The following URI1 variants were observed in gnomAD, a reference collection of about 807,000 sequenced individuals.
URI1 encodes the protein unconventional prefoldin RPB5 interactor 1.
In URI1, 39 loss-of-function variants were observed where a neutral mutation model predicts 60.2. The ratio of observed to expected loss-of-function variants is 0.65; its 90% CI spans 0.50 to 0.85. URI1 has a LOEUF of 0.85. URI1 is among the 40% of genes least tolerant of loss of function. The probability of loss-of-function intolerance (pLI) is 0.00; values close to 1 mark genes in which losing one functional copy is unlikely to be tolerated. For missense variants in URI1, 691 were observed against 665.9 expected, an observed-to-expected ratio of 1.04 and a Z score of -0.42; for synonymous variants, 251 against 236.8, an observed-to-expected ratio of 1.06 and a Z score of -0.55.
At chr19:29,964,765 G>A (rs1170238207) in intron 1 of URI1, among the ~76,000 whole-genome samples, 4 of 151,386 alleles carry the variant, frequency 2.6e-5, no homozygotes, top group Admixed American at 2.6e-4. Context: ...CCCGGCCAGT[G>A]GTGTTTAAAA....
At chr19:29,929,527 G>A (rs963085675) in intron 1 of URI1, among the ~76,000 whole-genome samples, 2 of 152,092 alleles carry the variant, frequency 1.3e-5, no homozygotes, top group Non-Finnish European at 2.9e-5. Flanking sequence ...AACCCAGGAG[G>A]TGGAGGTTGC....
intron 4 of URI1, among the ~76,000 whole-genome samples, chr19:29,989,011 A>G (rs527631469): frequency 1.3e-5 from 2 of 152,244 alleles, no homozygotes; most frequent in South Asian, 2.1e-4. Flanking sequence ...ATCATTGCCT[A>G]ATGATGTTGA....
chr19:29,987,418 A>G (rs973489579), intron 4 of URI1, among the ~76,000 whole-genome samples: 3 of 152,204 alleles, frequency 2.0e-5, no homozygotes, highest in Non-Finnish European at 2.9e-5. Flanking sequence ...TAATTGATAT[A>G]TATTTTGATC....
At chr19:29,965,139 G>T (rs992921296) in intron 1 of URI1, among the ~76,000 whole-genome samples, 1 of 152,158 alleles carries the variant, frequency 6.6e-6, no homozygotes, top group African/African-American at 2.4e-5. Flanking sequence ...GTTAGCTTGT[G>T]CAGATCCTAT....
At position 29,942,354 on chromosome 19, in the gene URI1, G is replaced by C; in HGVS notation, c.-194G>C. The C allele has an allele frequency of 1.0e-6, 1 of 985,022 alleles. No individual in the cohort carries two copies. The highest frequency in any genetic ancestry group is 4.5e-5 in the South Asian group (1 of 22,138). The allele number at this position is 985,022 out of a possible 1,614,324, so 61.0% of individuals were successfully genotyped here. A position where few individuals can be genotyped will look rare whatever the true frequency, so the allele number is the denominator to read the frequency against. The stretch of plus-strand genomic sequence containing the variant: ...CCCGCTGCGGGGCGGCGGCGGCGGG[G>C]ACATGCACGTGTGAGATGCGGCAGC... On this transcript the variant is annotated 5_prime_UTR_variant, in exon 1 of 11. Coordinates refer to ENST00000392271, the MANE Select transcript of URI1 (RefSeq NM_003796.3).
intron 2 of URI1, among the ~76,000 whole-genome samples, chr19:29,972,919 TA>T (rs775581360): frequency 2.0e-5 from 3 of 152,160 alleles, no homozygotes; most frequent in Admixed American, 6.5e-5. Flanking sequence ...TTTATACATT[TA>T]AAAAATTATT....
At chr19:29,970,648 T>C (rs2055447570) in intron 1 of URI1, among the ~76,000 whole-genome samples, 1 of 152,074 alleles carries the variant, frequency 6.6e-6, no homozygotes, top group South Asian at 2.1e-4. Flanking sequence ...GTTCAGAGCA[T>C]CTCCTTATCC....
intron 7 of URI1, among the ~76,000 whole-genome samples, chr19:30,008,232 GAGA>G (rs2055969556): frequency 6.6e-6 from 1 of 152,068 alleles, no homozygotes; most frequent in Admixed American, 6.6e-5. Context: ...TCTGCTACTC[GAGA>G]AGTTCTATAT....
Position 29,985,270 on chromosome 19 carries a change from C to A in URI1, c.200C>A (p.Thr67Asn), listed in dbSNP as rs2055653432. 1.2e-6 allele frequency: 2 copies of A among 1,610,720 alleles called. No individual in the cohort carries two copies. Among genetic ancestry groups the A allele is most frequent in the East Asian group, 2.2e-5 (1 of 44,784 alleles). The change falls in exon 3 of 11, where the codon ACC becomes AAC. Residue 67 changes from threonine to asparagine, a missense_variant. By Grantham distance (65) the Thr-to-Asn change is moderately conservative (BLOSUM62 0). Coordinates refer to ENST00000392271, the MANE Select transcript of URI1 (RefSeq NM_003796.3). Reference sequence around the variant, plus strand: ...AATGCCCTTCGAGAAAGACTCAGCACCTTGCCTGATAAATTGTCTTATAAT... The same window carrying A: ...AATGCCCTTCGAGAAAGACTCAGCAACTTGCCTGATAAATTGTCTTATAAT... The part of the protein sequence containing the change: ...DYNALRERLS[T>N]LPDKLSYNIM...
In URI1 at chr19:29,985,395, G is replaced by A. The variant is rs542947505; in HGVS notation, c.231+94G>A. The A allele has an allele frequency of 4.3e-5, 43 of 1,007,354 alleles. No homozygotes were observed. The East Asian group carries it at 9.4e-4, about 22-fold the overall frequency. The allele number at this position is 1,007,354 out of a possible 1,614,324, so 62.4% of individuals were successfully genotyped here. On this transcript the variant is annotated intron_variant, in intron 3 of 10. Transcript: ENST00000392271. ...ACAGAATGTCAGGCTGATGGACTGT[G>A]TCCAAGGTAACTATGTAGCAAGGAA...
At chr19:29,933,035 A>G (rs1282861518) in intron 1 of URI1, among the ~76,000 whole-genome samples, 1 of 152,202 alleles carries the variant, frequency 6.6e-6, no homozygotes, top group African/African-American at 2.4e-5. Context: ...AATCTTACAA[A>G]TACGCTGCCA....
chr19:29,947,582 C>T lies in URI1; in HGVS notation c.117+4918C>T, dbSNP rs370900328. 3.9e-5 allele frequency among the ~76,000 whole-genome samples: 6 copies of T among 152,310 alleles called. No homozygotes were observed. The East Asian group carries it at 7.7e-4, about 20-fold the overall frequency. On this transcript the variant is annotated intron_variant, in intron 1 of 10. Coordinates refer to ENST00000392271, the MANE Select transcript of URI1 (RefSeq NM_003796.3). ...TGAGTAATGAGGTTGATGACCTTTT[C>T]AGATGTTTATTGGCTACTTGGATTT...
rs118122377 is a variant in URI1, at chr19:29,930,842, T to C, written c.63+7088T>C. 6.8e-3 allele frequency among the ~76,000 whole-genome samples: 998 copies of C among 147,684 alleles called. 25 individuals are homozygous for C. The East Asian group carries it at 0.071, about 11-fold the overall frequency. Reference sequence around the variant, plus strand: ...CCCAAGTAGTAGACAGGAATACTACTAACTGCCACCATGCCTGTCTTTTTT... The same window carrying C: ...CCCAAGTAGTAGACAGGAATACTACCAACTGCCACCATGCCTGTCTTTTTT... On this transcript the variant is annotated intron_variant, in intron 1 of 10. Coordinates refer to the URI1 transcript ENST00000360605.
chr19:29,985,479 C>CT (rs200591371), intron 3 of URI1, among the ~76,000 whole-genome samples, 178 bp downstream of exon 3: 37 of 150,406 alleles, frequency 2.5e-4, no homozygotes, highest in East Asian at 2.0e-3. Context: ...TGGTATTTAC[C>CT]TTTTTTTTTC....
chr19:29,986,131 T>C (rs1257940070), intron 3 of URI1, 151 bp from the exon 4 acceptor site: 5 of 707,358 alleles, frequency 7.1e-6, no homozygotes, highest in South Asian at 2.7e-5. Flanking sequence ...TTTAATATAG[T>C]GTTGAATTTC....
intron 2 of URI1, among the ~76,000 whole-genome samples, chr19:29,972,711 T>C (rs981036286): frequency 6.6e-5 from 10 of 152,106 alleles, no homozygotes; most frequent in Admixed American, 1.3e-4. Flanking sequence ...TGACCAAATA[T>C]GTGGTTATTT....
intron 1 of URI1, chr19:29,956,261 C>T (rs1599671668): frequency 3.0e-6 from 2 of 665,972 alleles, no homozygotes; most frequent in East Asian, 3.4e-5. Flanking sequence ...CAGGCATGAG[C>T]CACGGCGCCT....
chr19:29,982,517 A>AT (rs1877683801), intron 2 of URI1, among the ~76,000 whole-genome samples: 1 of 152,128 alleles, frequency 6.6e-6, no homozygotes, highest in Non-Finnish European at 1.5e-5. Context: ...AGGCTGGTGT[A>AT]TTTAGTCCTT....
In URI1 at chr19:30,005,341, G is replaced by A. The variant is rs781170255; in HGVS notation, c.368-20G>A. 1.4e-6 allele frequency: 2 copies of A among 1,404,066 alleles called. No homozygotes were observed. Among genetic ancestry groups the A allele is most frequent in the South Asian group, 1.2e-5 (1 of 80,984 alleles). 87.0% of individuals were successfully genotyped at this position (1,404,066 alleles called of 1,614,324 possible). On this transcript the variant is annotated intron_variant, in intron 4 of 10. Coordinates refer to ENST00000392271, the MANE Select transcript of URI1 (RefSeq NM_003796.3). ...GTATATATGCCATGCTTTACATAAT[G>A]GTTGTGTTCATTGTTTCAGATGTAA...
Sources: allele counts gnomAD v4.1 joint callset (sites outside exome capture counted in the v4.1 genomes callset), GRCh38; gene constraint gnomAD v4.1.1; transcripts MANE v1.5; gene names NCBI Gene and HGNC (gene_info 2026-07-23, HGNC 2026-07-21).